MAPK10: variants seen among roughly 807,000 people sequenced by gnomAD.
MAPK10 encodes the protein JNK3 alpha protein kinase.
A neutral mutation model predicts 59.3 loss-of-function variants in MAPK10; 25 were observed. That is an observed-to-expected ratio of 0.42 (90% CI 0.31 to 0.59). The LOEUF is 0.59. Ranked by LOEUF, MAPK10 falls within the 20% of genes least tolerant of loss-of-function variation. The pLI, the probability that MAPK10 is intolerant of heterozygous loss-of-function variation, is 0.15. For synonymous variants in MAPK10, 190 were observed against 200.5 expected (o/e 0.95, Z 0.44); for missense variants, 351 against 568.9 (o/e 0.62, Z 3.90).
intron 1 of MAPK10, chr4:86,357,030 TC>T (rs1182013360): frequency 6.6e-6 from 1 of 152,146 alleles, no homozygotes; most frequent in Non-Finnish European, 1.5e-5. Flanking sequence ...TGTTGCAATG[TC>T]CAACCAAAAG....
intron 1 of MAPK10, among the ~76,000 whole-genome samples, chr4:86,446,885 T>C (rs986894107): frequency 6.6e-6 from 1 of 152,188 alleles, no homozygotes; most frequent in South Asian, 2.1e-4. Context: ...ATTTTTCCCA[T>C]GTGTTTGTCT....
rs185262838 is a variant in MAPK10 at position 86,062,864 on chromosome 4, G to T, written c.1110+1402C>A. Among the ~76,000 whole-genome samples, 11 of 152,102 alleles carry T rather than the reference G, an allele frequency of 7.2e-5. No individual in the cohort carries two copies. In the East Asian group the frequency reaches 2.1e-3, roughly 29 times the overall value. ...TCCCAAGTGTGGGAGACTGGAAGAG[G>T]TTCTATATTTTGGTTGTAAGAATAT... On this transcript the variant is annotated intron_variant, in intron 11 of 13. Transcript: ENST00000641462.
At position 86,365,966 on chromosome 4, in the gene MAPK10, G is replaced by A. The variant is rs547861621; in HGVS notation, c.-121-11322C>T. Among the ~76,000 whole-genome samples, 10 of 152,256 alleles carry A rather than the reference G, an allele frequency of 6.6e-5. No homozygotes were observed. In the South Asian group the frequency reaches 2.1e-3, roughly 32 times the overall value. ...CAAATCTATTTATTTAATGGCATGTGTGTAGTCTGAGATAGGACTAAAGAT... is the reference window on the plus strand; with the variant it reads ...CAAATCTATTTATTTAATGGCATGTATGTAGTCTGAGATAGGACTAAAGAT... On this transcript the variant is annotated intron_variant, in intron 1 of 13. Coordinates refer to the MAPK10 transcript ENST00000361569.
intron 9 of MAPK10, among the ~76,000 whole-genome samples, chr4:86,075,789 C>G (rs374696248): frequency 3.3e-5 from 5 of 152,130 alleles, no homozygotes; most frequent in Non-Finnish European, 5.9e-5. Context: ...AACCACTGCT[C>G]TCTTCAAAGC....
At chr4:86,031,753 A>G in intron 11 of MAPK10, 1 of 229,714 alleles carries the variant, frequency 4.4e-6, no homozygotes, top group Non-Finnish European at 8.5e-6. Context: ...AAACAGACAA[A>G]ACACTTGATT....
intron 2 of MAPK10, among the ~76,000 whole-genome samples, chr4:86,263,269 C>T (rs1469553592): frequency 6.6e-6 from 1 of 152,152 alleles, no homozygotes; most frequent in Non-Finnish European, 1.5e-5. Context: ...CAAATGTAAG[C>T]ATGATGTTTC....
chr4:86,034,030 C>A (rs1234916754), intron 11 of MAPK10, among the ~76,000 whole-genome samples: 1 of 152,132 alleles, frequency 6.6e-6, no homozygotes, highest in Non-Finnish European at 1.5e-5. Flanking sequence ...AGGAATTATT[C>A]TTTTGCTAAG....
intron 11 of MAPK10, among the ~76,000 whole-genome samples, chr4:86,038,522 T>G (rs2040819700): frequency 6.6e-6 from 1 of 151,512 alleles, no homozygotes; most frequent in African/African-American, 2.4e-5. Context: ...TGATTTTATA[T>G]TTCCTTGAAT....
chr4:86,537,034 C>T (rs1044546252), intron 1 of MAPK10, among the ~76,000 whole-genome samples: 1 of 152,050 alleles, frequency 6.6e-6, no homozygotes, highest in Non-Finnish European at 1.5e-5. Context: ...GAGGAGGGTA[C>T]GCAGGCATGA....
At chr4:86,317,135 T>C (rs1338133849) in intron 2 of MAPK10, among the ~76,000 whole-genome samples, 2 of 152,136 alleles carry the variant, frequency 1.3e-5, no homozygotes, top group African/African-American at 2.4e-5. Flanking sequence ...CCACCCAGTA[T>C]GCTGCATTCT....
rs763967346 is a variant in MAPK10, at chr4:86,159,427, T to C, written c.107A>G (p.His36Arg). 4 of 1,612,388 alleles carry C rather than the reference T, an allele frequency of 2.5e-6. No individual in the cohort carries two copies. The Admixed American group carries it at 6.7e-5, about 27-fold the overall frequency. Reference sequence around the variant, plus strand: ...AACTTTGCTTTTGCTCATGTTGTAATGTTTGGCAATATATGACACATCCAC... The same window carrying C: ...AACTTTGCTTTTGCTCATGTTGTAACGTTTGGCAATATATGACACATCCAC... ...KQVDVSYIAKHYNMSKSKVDN... is the reference protein window; with the variant it reads ...KQVDVSYIAKRYNMSKSKVDN... The change falls in exon 4 of 14, where the codon CAT becomes CGT. Residue 36 changes from histidine to arginine, a missense_variant. Transcript: ENST00000641462.
intron 11 of MAPK10, among the ~76,000 whole-genome samples, chr4:86,054,081 C>T (rs186545328): frequency 6.6e-6 from 1 of 152,244 alleles, no homozygotes; most frequent in Admixed American, 6.6e-5. Flanking sequence ...TTCTACTAGA[C>T]AACAAAACAT....
At chr4:86,424,537 T>C (rs1747019641) in intron 1 of MAPK10, among the ~76,000 whole-genome samples, 1 of 152,104 alleles carries the variant, frequency 6.6e-6, no homozygotes, top group Non-Finnish European at 1.5e-5. Flanking sequence ...TTGACTCAAC[T>C]TAGGTTCTCA....
At chr4:86,324,517 A>T (rs745951121) in intron 2 of MAPK10, among the ~76,000 whole-genome samples, 30 of 152,220 alleles carry the variant, frequency 2.0e-4, no homozygotes, top group Non-Finnish European at 3.4e-4. Flanking sequence ...GGCAGCAGAT[A>T]AGCAGAGGTA....
At chr4:86,355,192 C>A (rs1450899660) in intron 1 of MAPK10, among the ~76,000 whole-genome samples, 1 of 152,098 alleles carries the variant, frequency 6.6e-6, no homozygotes, top group Non-Finnish European at 1.5e-5. Context: ...TTATATTAGA[C>A]AAGATTCTTC....
At chr4:86,571,327 C>CGTGTGT (rs34133535) in intron 1 of MAPK10, among the ~76,000 whole-genome samples, 274 of 139,700 alleles carry the variant, frequency 2.0e-3, no homozygotes, top group African/African-American at 4.4e-3. Context: ...TATATATATA[C>CGTGTGT]GTGTGTGTGT....
At chr4:86,554,076 A>C (rs1760069618) in intron 1 of MAPK10, among the ~76,000 whole-genome samples, 1 of 152,044 alleles carries the variant, frequency 6.6e-6, no homozygotes, top group Non-Finnish European at 1.5e-5. Context: ...GGGGAGGAGA[A>C]GGCAGGACGA....
chr4:86,177,258 A>C (rs1002152572), intron 3 of MAPK10, among the ~76,000 whole-genome samples: 11 of 151,868 alleles, frequency 7.2e-5, no homozygotes, highest in African/African-American at 2.7e-4. Context: ...TCCTCCCAAA[A>C]ACCTAAACCA....
chr4:86,184,436 C>T (rs984717181), intron 3 of MAPK10, among the ~76,000 whole-genome samples: 3 of 152,124 alleles, frequency 2.0e-5, no homozygotes, highest in African/African-American at 7.2e-5. Context: ...ATCACTGTTG[C>T]TACTGATTAC....
Sources: gnomAD v4.1 joint callset for allele counts (sites outside exome capture counted in the v4.1 genomes callset) on GRCh38, gnomAD v4.1.1 for gene constraint, MANE v1.5 for transcripts, NCBI Gene and HGNC (gene_info 2026-07-23, HGNC 2026-07-21) for gene names.